The following KCNB2 variants were observed in gnomAD, a reference collection of about 807,000 sequenced individuals.
The protein encoded by KCNB2 is delayed rectifier potassium channel protein.
A neutral mutation model predicts 61.5 loss-of-function variants in KCNB2; 15 were observed. The observed-to-expected ratio is 0.24, with a 90% CI of 0.16 to 0.38. KCNB2 has a LOEUF of 0.38. Among genes scored for constraint, KCNB2 ranks in the 10% least tolerant of loss-of-function variants. The pLI is 1.00. For missense variants in KCNB2, 828 were observed against 1,125.2 expected (o/e 0.74, Z 3.78); for synonymous variants, 457 against 446.0 (o/e 1.02, Z -0.31).
intron 2 of KCNB2, among the ~76,000 whole-genome samples, chr8:72,710,622 C>T (rs1807311448): frequency 6.6e-6 from 1 of 152,126 alleles, no homozygotes; most frequent in African/African-American, 2.4e-5. Context: ...TTACCAGTGG[C>T]CTGGCTACAG....
intron 1 of KCNB2, among the ~76,000 whole-genome samples, chr8:72,539,685 T>G (rs1806163096): frequency 6.6e-6 from 1 of 152,186 alleles, no homozygotes; most frequent in African/African-American, 2.4e-5. Flanking sequence ...TCTTTTCTAT[T>G]GCCTCTCTTT....
intron 2 of KCNB2, among the ~76,000 whole-genome samples, chr8:72,575,907 G>A (rs114490659): frequency 0.021 from 3,145 of 152,188 alleles, 98 homozygotes; most frequent in African/African-American, 0.069. Flanking sequence ...AACAAAATAT[G>A]TTCATAATTT....
intron 2 of KCNB2, among the ~76,000 whole-genome samples, chr8:72,587,060 T>C (rs1205014308): frequency 6.6e-6 from 1 of 152,250 alleles, no homozygotes; most frequent in African/African-American, 2.4e-5. Context: ...TACAGTGTAT[T>C]ACTGTCGAGA....
intron 2 of KCNB2, among the ~76,000 whole-genome samples, chr8:72,647,569 A>T (rs973137735): frequency 6.6e-6 from 1 of 152,208 alleles, no homozygotes; most frequent in Non-Finnish European, 1.5e-5. Flanking sequence ...CTGTACATTC[A>T]TTAAAGTGGT....
At chr8:72,585,835 A>G (rs558108519) in intron 2 of KCNB2, among the ~76,000 whole-genome samples, 26 of 152,370 alleles carry the variant, frequency 1.7e-4, no homozygotes, top group African/African-American at 6.3e-4. Context: ...AATAATGGCA[A>G]CTGACATTTG....
chr8:72,553,482 T>C (rs975276593), intron 1 of KCNB2, among the ~76,000 whole-genome samples: 1 of 152,146 alleles, frequency 6.6e-6, no homozygotes, highest in African/African-American at 2.4e-5. Context: ...AACAAATGTG[T>C]CTCAGGGCTT....
rs1403982270 is a variant in KCNB2, at chr8:72,821,645, A to AC, written c.580-114290_580-114289insC. On this transcript the variant is annotated intron_variant, in intron 2 of 2. Transcript: ENST00000523207. Reference sequence around the variant, plus strand: ...ACACACACACACAAAAAAAAACAAAAAAAAAAAAAAAAAAACACACACACA... The same window carrying AC: ...ACACACACACACAAAAAAAAACAAAACAAAAAAAAAAAAAAACACACACACA... Among the ~76,000 whole-genome samples, 664 of 92,442 alleles carry AC rather than the reference A, an allele frequency of 7.2e-3. 13 individuals carry two copies. Among genetic ancestry groups the AC allele is most frequent in the African/African-American group, 0.019 (638 of 33,588 alleles). 60.6% of individuals were successfully genotyped at this position (92,442 alleles called of 152,430 possible).
At chr8:72,755,138 C>T (rs1364198700) in intron 2 of KCNB2, among the ~76,000 whole-genome samples, 1 of 152,042 alleles carries the variant, frequency 6.6e-6, no homozygotes, top group African/African-American at 2.4e-5. Context: ...GAGGGGTGTT[C>T]TATAAAATAA....
rs73686504 is a variant in KCNB2, at chr8:72,764,863, C to A, written c.580-171072C>A. Among the ~76,000 whole-genome samples the A allele has an allele frequency of 2.6e-3, 392 of 152,236 alleles. 1 individual carries two copies. The highest frequency in any genetic ancestry group is 8.7e-3 in the African/African-American group (361 of 41,542). ...CGGAAGCATAGACCAGAATTAGTGT[C>A]TATTCTGGGCAAAATATATCTGCCA... is the stretch of plus-strand genomic sequence containing the variant. On this transcript the variant is annotated intron_variant, in intron 2 of 2. Coordinates refer to ENST00000523207, the MANE Select transcript of KCNB2 (RefSeq NM_004770.3).
intron 2 of KCNB2, among the ~76,000 whole-genome samples, chr8:72,829,592 A>G (rs768904971): frequency 2.8e-4 from 43 of 152,256 alleles, no homozygotes; most frequent in South Asian, 6.2e-4. Context: ...TACCTCACAG[A>G]TGGGGAAAGT....
intron 2 of KCNB2, among the ~76,000 whole-genome samples, chr8:72,691,912 G>A (rs567451242): frequency 6.6e-6 from 1 of 152,126 alleles, no homozygotes; most frequent in African/African-American, 2.4e-5. Flanking sequence ...ATATATCACA[G>A]TATGATTATA....
At chr8:72,680,994 T>C (rs1389086152) in intron 2 of KCNB2, among the ~76,000 whole-genome samples, 2 of 152,180 alleles carry the variant, frequency 1.3e-5, no homozygotes, top group Admixed American at 1.3e-4. Context: ...TGTGATAGCC[T>C]CAGACTGGGA....
chr8:72,564,071 T>TAA (rs1806585814), intron 1 of KCNB2, among the ~76,000 whole-genome samples: 1 of 152,230 alleles, frequency 6.6e-6, no homozygotes, highest in South Asian at 2.1e-4. Context: ...GGATCTCTTA[T>TAA]AATAGAAAGT....
At chr8:72,694,948 A>G (rs1185880183) in intron 2 of KCNB2, among the ~76,000 whole-genome samples, 1 of 152,074 alleles carries the variant, frequency 6.6e-6, no homozygotes, top group Non-Finnish European at 1.5e-5. Flanking sequence ...CTCTGACAAC[A>G]AGGGCACCTA....
chr8:72,652,672 G>C (rs1806230784), intron 2 of KCNB2, among the ~76,000 whole-genome samples: 1 of 151,854 alleles, frequency 6.6e-6, no homozygotes, highest in Non-Finnish European at 1.5e-5. Flanking sequence ...CTTAATGACC[G>C]GTACCCTTTC....
intron 2 of KCNB2, among the ~76,000 whole-genome samples, chr8:72,635,408 T>C (rs1005046577): frequency 5.3e-5 from 8 of 152,182 alleles, no homozygotes; most frequent in Non-Finnish European, 8.8e-5. Flanking sequence ...GGAGGAATTA[T>C]CTTCTCAGGG....
chr8:72,927,471 G>C (rs928573343), intron 2 of KCNB2, among the ~76,000 whole-genome samples: 1 of 151,992 alleles, frequency 6.6e-6, no homozygotes, highest in African/African-American at 2.4e-5. Flanking sequence ...GGGTTTCACT[G>C]TGTTGGTCAG....
At chr8:72,784,957 G>A (rs1808823510) in intron 2 of KCNB2, among the ~76,000 whole-genome samples, 1 of 152,072 alleles carries the variant, frequency 6.6e-6, no homozygotes, top group Non-Finnish European at 1.5e-5. Context: ...GTTGTATTGT[G>A]TGTTCTACAG....
intron 2 of KCNB2, among the ~76,000 whole-genome samples, chr8:72,627,798 ACACT>A (rs1188848499): frequency 6.6e-6 from 1 of 152,232 alleles, no homozygotes; most frequent in Non-Finnish European, 1.5e-5. Flanking sequence ...CAGCCTTTTG[ACACT>A]CACTTCTGCA....
Sources: allele counts gnomAD v4.1 joint callset (sites outside exome capture counted in the v4.1 genomes callset), GRCh38; gene constraint gnomAD v4.1.1; transcripts MANE v1.5; gene names NCBI Gene and HGNC (gene_info 2026-07-23, HGNC 2026-07-21).